MTUS2: variants seen among roughly 807,000 people sequenced by gnomAD.
MTUS2 encodes the protein microtubule associated scaffold protein 2, also known as microtubule-associated tumor suppressor candidate 2.
A neutral mutation model predicts 114.1 loss-of-function variants in MTUS2; 40 were observed. The ratio of observed to expected loss-of-function variants is 0.35; its 90% CI spans 0.27 to 0.46. The LOEUF is 0.46. MTUS2 is among the 20% of genes least tolerant of loss of function. The pLI, the probability that MTUS2 is intolerant of heterozygous loss-of-function variation, is 1.00. For synonymous variants in MTUS2, 688 were observed against 672.0 expected (o/e 1.02, Z -0.37); for missense variants, 1,679 against 1,705.4 (o/e 0.98, Z 0.27).
intron 5 of MTUS2, among the ~76,000 whole-genome samples, chr13:29,114,222 T>C (rs1310950968): frequency 1.3e-5 from 2 of 152,086 alleles, no homozygotes; most frequent in Non-Finnish European, 2.9e-5. Context: ...AACAGACTAA[T>C]ACAGTTGGTG....
intron 8 of MTUS2, among the ~76,000 whole-genome samples, chr13:29,389,355 A>ACACGTGTGTG (rs1566172568): frequency 2.4e-5 from 2 of 82,672 alleles, no homozygotes; most frequent in South Asian, 4.3e-4. Flanking sequence ...GTGTGTGTAT[A>ACACGTGTGTG]TATGTATGCA....
At chr13:29,382,847 G>T (rs1294623783) in intron 8 of MTUS2, among the ~76,000 whole-genome samples, 1 of 152,050 alleles carries the variant, frequency 6.6e-6, no homozygotes, top group African/African-American at 2.4e-5. Context: ...AATTACCAAA[G>T]ATCACAGTGC....
intron 5 of MTUS2, among the ~76,000 whole-genome samples, chr13:29,174,218 C>A (rs897072949): frequency 6.6e-6 from 1 of 152,070 alleles, no homozygotes; most frequent in Non-Finnish European, 1.5e-5. Context: ...ATTTATTTTG[C>A]GTAAGGTGGC....
intron 5 of MTUS2, among the ~76,000 whole-genome samples, chr13:29,253,205 C>A (rs1897185192): frequency 2.0e-5 from 3 of 151,878 alleles, no homozygotes; most frequent in African/African-American, 7.3e-5. Flanking sequence ...GCAGGCAAAT[C>A]ACTTGAGATC....
chr13:29,187,916 A>G (rs1457708872), intron 5 of MTUS2, among the ~76,000 whole-genome samples: 3 of 152,110 alleles, frequency 2.0e-5, no homozygotes, highest in Non-Finnish European at 2.9e-5. Flanking sequence ...CCCAAAGTAC[A>G]TTTGCCTTGT....
intron 8 of MTUS2, among the ~76,000 whole-genome samples, chr13:29,386,472 G>A (rs572434503): frequency 6.6e-6 from 1 of 152,302 alleles, no homozygotes; most frequent in East Asian, 1.9e-4. Context: ...GCAATGGAGA[G>A]TGATCAGATA....
intron 9 of MTUS2, among the ~76,000 whole-genome samples, chr13:29,466,809 G>C (rs991274583): frequency 6.7e-6 from 1 of 150,244 alleles, no homozygotes; most frequent in South Asian, 2.1e-4. Flanking sequence ...CCTGGGAGGC[G>C]GAGTTTGCAG....
At chr13:28,995,650 C>G (rs1486131800) in intron 2 of MTUS2, among the ~76,000 whole-genome samples, 5 of 152,040 alleles carry the variant, frequency 3.3e-5, no homozygotes, top group Non-Finnish European at 7.4e-5. Context: ...GTATTTTATT[C>G]TCTTTGAAGC....
intron 9 of MTUS2, among the ~76,000 whole-genome samples, chr13:29,448,685 T>A (rs1301635538): frequency 1.3e-5 from 2 of 151,750 alleles, no homozygotes; most frequent in African/African-American, 4.8e-5. Context: ...AGATGGACTT[T>A]ACTTTTTTAT....
chr13:29,502,023 T>G (rs1040813669), intron 15 of MTUS2, among the ~76,000 whole-genome samples: 1 of 152,240 alleles, frequency 6.6e-6, no homozygotes, highest in Non-Finnish European at 1.5e-5. Context: ...TTCTCTCACA[T>G]ACATACGCTC....
intron 2 of MTUS2, among the ~76,000 whole-genome samples, chr13:28,905,032 C>G (rs1409960097): frequency 6.6e-6 from 1 of 151,564 alleles, no homozygotes; most frequent in African/African-American, 2.4e-5. Flanking sequence ...AATGGGAGTT[C>G]ACTCATGATT....
At chr13:29,100,690 G>C in intron 4 of MTUS2, 83 bp from the exon 5 acceptor site, 1 of 1,430,680 alleles carries the variant, frequency 7.0e-7, no homozygotes, top group Non-Finnish European at 9.5e-7. Flanking sequence ...TGATAGAACT[G>C]GGTTCGAATT....
At chr13:28,942,104 G>T (rs768145883) in intron 2 of MTUS2, among the ~76,000 whole-genome samples, 42 of 152,100 alleles carry the variant, frequency 2.8e-4, no homozygotes, top group Non-Finnish European at 5.0e-4. Context: ...AAGTAACAAA[G>T]ATCTTACATC....
intron 8 of MTUS2, among the ~76,000 whole-genome samples, chr13:29,391,965 C>T (rs1311874611): frequency 6.6e-6 from 1 of 151,634 alleles, no homozygotes; most frequent in African/African-American, 2.4e-5. Context: ...TGAAACCTGT[C>T]TCTACTAAAA....
chr13:29,060,810 T>TTG (rs1298366577), intron 4 of MTUS2, among the ~76,000 whole-genome samples: 5 of 149,176 alleles, frequency 3.4e-5, no homozygotes, highest in African/African-American at 1.2e-4. Context: ...GACTTTTTTT[T>TTG]TTTTTTTTGA....
At chr13:29,010,593 C>T (rs1885796201) in intron 2 of MTUS2, among the ~76,000 whole-genome samples, 1 of 151,992 alleles carries the variant, frequency 6.6e-6, no homozygotes, top group African/African-American at 2.4e-5. Context: ...ACATGCGGAC[C>T]ACACTCTCAG....
chr13:28,866,977 A>T (rs919993878), intron 2 of MTUS2, among the ~76,000 whole-genome samples: 7 of 152,246 alleles, frequency 4.6e-5, no homozygotes, highest in Non-Finnish European at 1.0e-4. Context: ...AACATCTTAC[A>T]CTTGCTACCT....
At chr13:29,390,811 G>A (rs1873387046) in intron 8 of MTUS2, among the ~76,000 whole-genome samples, 1 of 150,484 alleles carries the variant, frequency 6.6e-6, no homozygotes, top group South Asian at 2.1e-4. Flanking sequence ...GAGATGTAGT[G>A]TCGCTCTGTC....
At chr13:29,132,192 G>A (rs375603113) in intron 5 of MTUS2, among the ~76,000 whole-genome samples, 3 of 152,170 alleles carry the variant, frequency 2.0e-5, no homozygotes, top group African/African-American at 7.2e-5. Context: ...ATGGGATAAA[G>A]TAAAATCTTT....
Sources: gnomAD v4.1 joint callset for allele counts (sites outside exome capture counted in the v4.1 genomes callset) on GRCh38, gnomAD v4.1.1 for gene constraint, MANE v1.5 for transcripts, NCBI Gene and HGNC (gene_info 2026-07-23, HGNC 2026-07-21) for gene names.